Variants in PCDH15 observed in about 807,000 individuals in gnomAD.
The protein encoded by PCDH15 is protocadherin-15.
Under a neutral mutation model 178.5 loss-of-function variants are expected in PCDH15, and 129 were observed. The ratio of observed to expected loss-of-function variants is 0.72; its 90% CI spans 0.63 to 0.84. PCDH15 has a LOEUF of 0.84. PCDH15 is among the 40% of genes least tolerant of loss of function. PCDH15 has a pLI of 0.00. For synonymous variants in PCDH15, 800 were observed against 732.0 expected, an observed-to-expected ratio of 1.09 and a Z score of -1.50; for missense variants, 2,230 against 2,099.9, an observed-to-expected ratio of 1.06 and a Z score of -1.21.
At chr10:54,600,538 C>A in intron 2 of PCDH15, 1 of 578,300 alleles carries the variant, frequency 1.7e-6, no homozygotes, top group Non-Finnish European at 3.4e-6. Context: ...GGAGATGGTG[C>A]TACCAAATAC....
At chr10:55,256,967 C>T (rs1430879354) in intron 1 of PCDH15, among the ~76,000 whole-genome samples, 1 of 152,170 alleles carries the variant, frequency 6.6e-6, no homozygotes, top group Non-Finnish European at 1.5e-5. Flanking sequence ...AACTGGGAGG[C>T]ACCCCCGAGT....
intron 2 of PCDH15, among the ~76,000 whole-genome samples, chr10:54,947,617 A>G (rs1838226833): frequency 6.6e-6 from 1 of 151,894 alleles, no homozygotes; most frequent in Non-Finnish European, 1.5e-5. Flanking sequence ...GTGTGTGCAC[A>G]TGTGTGTGTA....
At chr10:54,054,636 G>T (rs961435681) in intron 18 of PCDH15, among the ~76,000 whole-genome samples, 1 of 151,930 alleles carries the variant, frequency 6.6e-6, no homozygotes, top group Non-Finnish European at 1.5e-5. Context: ...AAAGGGGTAG[G>T]CCCTAAATAA....
chr10:54,999,716 G>T (rs973626778), intron 2 of PCDH15, among the ~76,000 whole-genome samples: 8 of 152,148 alleles, frequency 5.3e-5, no homozygotes, highest in Non-Finnish European at 1.0e-4. Context: ...GGAAAATTCA[G>T]CCAGATATCG....
At chr10:54,615,641 C>T (rs2093116780) in intron 2 of PCDH15, among the ~76,000 whole-genome samples, 2 of 152,054 alleles carry the variant, frequency 1.3e-5, no homozygotes, top group South Asian at 4.1e-4. Flanking sequence ...ACATCATAGA[C>T]TTTCATTCTA....
At chr10:53,831,668 TAAGAA>T (rs1380312007) in intron 29 of PCDH15, 135 bp from the exon 30 acceptor site, 12 of 661,066 alleles carry the variant, frequency 1.8e-5, no homozygotes, top group East Asian at 2.7e-5. Flanking sequence ...TCATGAATAA[TAAGAA>T]AAGCATATAT....
chr10:54,035,875 C>A (rs1389954743), intron 18 of PCDH15, among the ~76,000 whole-genome samples: 1 of 151,944 alleles, frequency 6.6e-6, no homozygotes, highest in African/African-American at 2.4e-5. Flanking sequence ...ATTAAAAGTT[C>A]TACTCCAGTG....
chr10:53,909,505 A>G (rs2133751094), intron 25 of PCDH15, among the ~76,000 whole-genome samples: 1 of 152,344 alleles, frequency 6.6e-6, no homozygotes, highest in Non-Finnish European at 1.5e-5. Flanking sequence ...CAGATTTTTA[A>G]GCATTTAAAA....
At chr10:53,809,336 T>A in intron 37 of PCDH15, 1 of 1,613,244 alleles carries the variant, frequency 6.2e-7, no homozygotes, top group Non-Finnish European at 8.5e-7. Context: ...TCAAGGCGTC[T>A]CTGCCACTCT....
chr10:54,838,247 T>C (rs1269272852), intron 3 of PCDH15, among the ~76,000 whole-genome samples: 1 of 152,094 alleles, frequency 6.6e-6, no homozygotes, highest in East Asian at 1.9e-4. Context: ...GTAATCACCA[T>C]AATCCCCATG....
At chr10:55,507,010 G>T (rs1268392011) in intron 2 of PCDH15, among the ~76,000 whole-genome samples, 1 of 150,978 alleles carries the variant, frequency 6.6e-6, no homozygotes, top group African/African-American at 2.4e-5. Flanking sequence ...ATTATATATA[G>T]GTATATACAT....
chr10:54,319,975 T>C (rs1176129142), intron 7 of PCDH15, among the ~76,000 whole-genome samples: 4 of 152,196 alleles, frequency 2.6e-5, no homozygotes, highest in Admixed American at 2.6e-4. Context: ...GGTTCCAGGA[T>C]TCTTTGATAT....
chr10:53,908,123 C>G (rs2082808331), intron 25 of PCDH15, among the ~76,000 whole-genome samples: 1 of 152,164 alleles, frequency 6.6e-6, no homozygotes, highest in African/African-American at 2.4e-5. Context: ...TTTGGCTGCT[C>G]TAGAGCCATT....
intron 2 of PCDH15, among the ~76,000 whole-genome samples, chr10:55,147,819 T>C (rs28719037): frequency 2.0e-4 from 12 of 60,446 alleles, no homozygotes; most frequent in South Asian, 4.5e-4. Flanking sequence ...TCCTCCTCCT[T>C]CTCCTCTTCC....
At chr10:53,930,832 CA>C (rs1437525028) in intron 25 of PCDH15, among the ~76,000 whole-genome samples, 12 of 152,202 alleles carry the variant, frequency 7.9e-5, no homozygotes, top group African/African-American at 2.9e-4. Flanking sequence ...TCAGCTTCAA[CA>C]CCCGATTAAA....
intron 2 of PCDH15, among the ~76,000 whole-genome samples, chr10:54,984,870 G>C (rs1380192780): frequency 3.9e-5 from 6 of 152,130 alleles, no homozygotes; most frequent in African/African-American, 1.2e-4. Flanking sequence ...TTTTCCCTGA[G>C]TCCTTTGGTC....
rs369880998 is a variant in PCDH15 at position 54,555,623 on chromosome 10, G to A, written c.92-27746C>T. ...GTGGTGGCAGGCACCTGTAATCCCA[G>A]CTACTCAGGAGGCTGAGGCAGGAGA... On this transcript the variant is annotated intron_variant, in intron 2 of 37. Transcript: ENST00000644397. 1.3e-4 allele frequency among the ~76,000 whole-genome samples: 20 copies of A among 150,858 alleles called. No homozygotes were observed. In the East Asian group the frequency reaches 3.3e-3, roughly 25 times the overall value.
At chr10:54,262,214 T>G (rs898300650) in intron 8 of PCDH15, among the ~76,000 whole-genome samples, 7 of 152,022 alleles carry the variant, frequency 4.6e-5, no homozygotes, top group Non-Finnish European at 5.9e-5. Flanking sequence ...TGCAGCAAAA[T>G]GCAACCCTAG....
chr10:53,990,100 C>A (rs1294182527), intron 21 of PCDH15, among the ~76,000 whole-genome samples: 1 of 151,984 alleles, frequency 6.6e-6, no homozygotes, highest in African/African-American at 2.4e-5. Flanking sequence ...TTGGTAACAT[C>A]GTGACATTTT....
Sources: allele counts gnomAD v4.1 joint callset (sites outside exome capture counted in the v4.1 genomes callset), GRCh38; gene constraint gnomAD v4.1.1; transcripts MANE v1.5; gene names NCBI Gene and HGNC (gene_info 2026-07-23, HGNC 2026-07-21).